FILIP1L: variants seen among roughly 807,000 people sequenced by gnomAD.
FILIP1L encodes the protein filamin A-interacting protein 1-like.
FILIP1L carries 55 observed loss-of-function variants against 96.6 expected under a neutral mutation model. That is an observed-to-expected ratio of 0.57 (90% CI 0.46 to 0.71). FILIP1L has a LOEUF of 0.71. Among genes scored for constraint, FILIP1L ranks in the 30% least tolerant of loss-of-function variants. The pLI, the probability that FILIP1L is intolerant of heterozygous loss-of-function variation, is 0.00. For missense variants in FILIP1L, 1,304 were observed against 1,321.2 expected, an observed-to-expected ratio of 0.99 and a Z score of 0.20; for synonymous variants, 467 against 473.9, an observed-to-expected ratio of 0.99 and a Z score of 0.19.
intron 4 of FILIP1L, among the ~76,000 whole-genome samples, chr3:99,923,570 A>C (rs1707190566): frequency 6.6e-6 from 1 of 151,274 alleles, no homozygotes; most frequent in Non-Finnish European, 1.5e-5. Flanking sequence ...TCATGCGCAC[A>C]CCCCCCTCCC....
chr3:100,060,523 T>C (rs1206470224), intron 1 of FILIP1L, among the ~76,000 whole-genome samples: 1 of 151,984 alleles, frequency 6.6e-6, no homozygotes, highest in Non-Finnish European at 1.5e-5. Flanking sequence ...TAAAAATGCT[T>C]AGCTACCACC....
chr3:100,064,564 G>A (rs987427263), intron 1 of FILIP1L, among the ~76,000 whole-genome samples: 8 of 152,154 alleles, frequency 5.3e-5, no homozygotes, highest in Non-Finnish European at 1.0e-4. Flanking sequence ...TATATGTAGA[G>A]AACTTTAAGA....
intron 1 of FILIP1L, among the ~76,000 whole-genome samples, chr3:100,083,895 C>T (rs1234268222): frequency 6.6e-6 from 1 of 152,032 alleles, no homozygotes; most frequent in Non-Finnish European, 1.5e-5. Context: ...ATTGGAAGTT[C>T]TATAGTAGAT....
At position 99,930,918 on chromosome 3, in the gene FILIP1L, G is replaced by C; in HGVS notation, c.103C>G (p.Gln35Glu). ...TCACTGGGGGAGTCTTTGTCTTGCT[G>C]TCTATGCTTCATGTTTTTAGGCCCT... The part of the protein sequence containing the change: ...FQGPKNMKHR[Q>E]QDKDSPSESD... The change falls in exon 2 of 6, where the codon CAG becomes GAG. Residue 35 changes from glutamine (Q) to glutamate (E), a missense_variant. By Grantham distance (29) the Gln-to-Glu change is conservative (BLOSUM62 2). Transcript: ENST00000477258. The C allele has an allele frequency of 6.2e-7, 1 of 1,613,522 alleles. No individual in the cohort carries two copies. Among genetic ancestry groups the C allele is most frequent in the Non-Finnish European group, 8.5e-7 (1 of 1,179,912 alleles).
At chr3:100,008,624 A>G (rs977900072) in intron 1 of FILIP1L, among the ~76,000 whole-genome samples, 3 of 152,240 alleles carry the variant, frequency 2.0e-5, no homozygotes, top group Admixed American at 2.0e-4. Context: ...TAATACTATG[A>G]TCTTTCCAAA....
At chr3:100,109,599 T>C (rs2066454280) in intron 1 of FILIP1L, among the ~76,000 whole-genome samples, 1 of 152,164 alleles carries the variant, frequency 6.6e-6, no homozygotes, top group Non-Finnish European at 1.5e-5. Flanking sequence ...GCTTTTTCAG[T>C]CTGGATTCTT....
intron 5 of FILIP1L, among the ~76,000 whole-genome samples, chr3:99,833,742 T>C (rs901578859): frequency 1.3e-5 from 2 of 152,216 alleles, no homozygotes; most frequent in African/African-American, 4.8e-5. Context: ...GGTTGAGAAG[T>C]TGAAGACTCC....
chr3:99,837,011 T>TA (rs1306454288), intron 5 of FILIP1L, among the ~76,000 whole-genome samples: 1 of 152,176 alleles, frequency 6.6e-6, no homozygotes, highest in East Asian at 1.9e-4. Context: ...AGGTTTGGCC[T>TA]AAAAAAATAG....
intron 1 of FILIP1L, among the ~76,000 whole-genome samples, chr3:99,991,114 C>A (rs1057425523): frequency 6.6e-6 from 1 of 152,172 alleles, no homozygotes; most frequent in Admixed American, 6.5e-5. Context: ...TTCTTCCCAT[C>A]TCCCCCCATA....
intron 1 of FILIP1L, among the ~76,000 whole-genome samples, chr3:100,085,891 T>A (rs1179478819): frequency 6.6e-6 from 1 of 152,194 alleles, no homozygotes; most frequent in African/African-American, 2.4e-5. Context: ...TACTCCCAAG[T>A]TGCATTTTAA....
At chr3:99,956,337 C>A (rs56140081) in intron 1 of FILIP1L, among the ~76,000 whole-genome samples, 8,196 of 152,204 alleles carry the variant, frequency 0.054, 331 homozygotes, top group South Asian at 0.13. Flanking sequence ...GTTTCCGATT[C>A]TGTCCCCTCC....
intron 4 of FILIP1L, among the ~76,000 whole-genome samples, chr3:99,880,184 C>T (rs1230849375): frequency 6.6e-6 from 1 of 152,184 alleles, no homozygotes; most frequent in Non-Finnish European, 1.5e-5. Flanking sequence ...AACCTTCTCT[C>T]CATGCCCTAG....
At chr3:100,088,321 A>C in intron 1 of FILIP1L, among the ~76,000 whole-genome samples, 1 of 152,320 alleles carries the variant, frequency 6.6e-6, no homozygotes, top group East Asian at 1.9e-4. Flanking sequence ...ATAGGTTTTC[A>C]GTGTAACGCT....
At chr3:99,874,023 T>G (rs1178897276) in intron 4 of FILIP1L, among the ~76,000 whole-genome samples, 1 of 152,244 alleles carries the variant, frequency 6.6e-6, no homozygotes, top group African/African-American at 2.4e-5. Flanking sequence ...CAGTGTGAGA[T>G]AGGGTATCCA....
At chr3:99,974,947 T>C (rs546764028) in intron 1 of FILIP1L, among the ~76,000 whole-genome samples, 8 of 152,344 alleles carry the variant, frequency 5.3e-5, no homozygotes, top group African/African-American at 1.7e-4. Context: ...TTGATCTTTT[T>C]GAATGTGCAA....
intron 1 of FILIP1L, among the ~76,000 whole-genome samples, chr3:100,060,980 C>T (rs1297147725): frequency 2.6e-5 from 4 of 152,126 alleles, no homozygotes; most frequent in Non-Finnish European, 5.9e-5. Context: ...ATTAACCGCA[C>T]GAGGTGATGA....
At chr3:99,832,684 A>C (rs1438848097) in intron 5 of FILIP1L, among the ~76,000 whole-genome samples, 3 of 147,746 alleles carry the variant, frequency 2.0e-5, no homozygotes, top group Admixed American at 6.7e-5. Flanking sequence ...CTCTACTGAA[A>C]ATACAAAACA....
At chr3:100,066,311 T>A (rs1385537831) in intron 1 of FILIP1L, among the ~76,000 whole-genome samples, 1 of 152,214 alleles carries the variant, frequency 6.6e-6, no homozygotes, top group Non-Finnish European at 1.5e-5. Flanking sequence ...CTTACAGAAA[T>A]TAAAGTATGT....
chr3:99,858,478 A>T (rs1006368722), intron 4 of FILIP1L, among the ~76,000 whole-genome samples: 5 of 152,114 alleles, frequency 3.3e-5, no homozygotes, highest in African/African-American at 4.8e-5. Flanking sequence ...AATAAAATTT[A>T]AAAAAAATCA....
Sources: gnomAD v4.1 joint callset for allele counts (sites outside exome capture counted in the v4.1 genomes callset) on GRCh38, gnomAD v4.1.1 for gene constraint, MANE v1.5 for transcripts, NCBI Gene and HGNC (gene_info 2026-07-23, HGNC 2026-07-21) for gene names.